SNX29: variants seen among roughly 807,000 people sequenced by gnomAD.
SNX29 encodes the protein sorting nexin 29, also known as sorting nexin-29.
A neutral mutation model predicts 102.1 loss-of-function variants in SNX29; 78 were observed. That is an observed-to-expected ratio of 0.76 (90% CI 0.64 to 0.92). The LOEUF (loss-of-function observed/expected upper bound fraction) is 0.92, where lower values mean the gene tolerates loss of function less well. Among genes scored for constraint, SNX29 ranks in the 40% least tolerant of loss-of-function variants. The pLI, the probability that SNX29 is intolerant of heterozygous loss-of-function variation, is 0.00. For missense variants in SNX29, 1,280 were observed against 1,061.7 expected (o/e 1.21, Z -2.86); for synonymous variants, 580 against 414.5 (o/e 1.40, Z -4.85).
chr16:12,403,645 TTCCAGACACCCACATC>T lies in SNX29; in HGVS notation c.2037+118_2037+133del, dbSNP rs1016989245. 7.2e-6 allele frequency: 7 copies of T among 976,486 alleles called. No individual in the cohort carries two copies. In the African/African-American group the frequency reaches 1.1e-4, roughly 16 times the overall value. 60.5% of individuals were successfully genotyped at this position (976,486 alleles called of 1,614,324 possible). ...GCGCTATGATTAGGAGGCTATGGCC[TTCCAGACACCCACATC>T]TTAACTGCCCAGAGGCCTTGCCGAA... On this transcript the variant is annotated intron_variant, in intron 18 of 20. Transcript: ENST00000566228.
intron 11 of SNX29, chr16:12,081,900 A>T (rs1567189828): frequency 6.5e-6 from 1 of 152,856 alleles, no homozygotes; most frequent in Non-Finnish European, 1.5e-5. Context: ...GGAAAGACCA[A>T]GATAATACAT....
At chr16:12,537,062 A>G (rs1216686607) in intron 20 of SNX29, among the ~76,000 whole-genome samples, 1 of 152,186 alleles carries the variant, frequency 6.6e-6, no homozygotes, top group South Asian at 2.1e-4. Flanking sequence ...CATATTTAGG[A>G]GACGATGTAG....
chr16:11,996,972 C>G (rs1054188810), intron 1 of SNX29, among the ~76,000 whole-genome samples: 3 of 152,166 alleles, frequency 2.0e-5, no homozygotes, highest in African/African-American at 7.2e-5. Flanking sequence ...AAAGAATCTG[C>G]TGACTGGTTT....
At chr16:12,389,557 C>T (rs762540055) in intron 16 of SNX29, among the ~76,000 whole-genome samples, 1 of 152,122 alleles carries the variant, frequency 6.6e-6, no homozygotes, top group East Asian at 1.9e-4. Flanking sequence ...GTCCATTAAA[C>T]CTCTTTCCTT....
chr16:12,135,675 T>G, intron 13 of SNX29: 35 of 1,224,108 alleles, frequency 2.9e-5, no homozygotes, highest in Non-Finnish European at 3.7e-5. Flanking sequence ...CAGTCTTTCC[T>G]GAAGCTGTGT....
chr16:12,571,874 T>G lies in SNX29; in HGVS notation c.*3245T>G, dbSNP rs1423007197. 4.7e-6 allele frequency: 5 copies of G among 1,061,300 alleles called. No individual in the cohort carries two copies. Among genetic ancestry groups the G allele is most frequent in the Non-Finnish European group, 5.7e-6 (5 of 876,820 alleles). 65.7% of individuals were successfully genotyped at this position (1,061,300 alleles called of 1,614,324 possible). ...ACGTTGCTGGCAAGGCATTTTAGAG[T>G]TTGGAGCTGAGGTTCAAAGCCCCCT... On this transcript the variant is annotated 3_prime_UTR_variant, in exon 21 of 21. Coordinates refer to ENST00000566228, the MANE Select transcript of SNX29 (RefSeq NM_032167.5).
chr16:12,012,392 A>G (rs2151060744), intron 3 of SNX29, among the ~76,000 whole-genome samples: 1 of 152,140 alleles, frequency 6.6e-6, no homozygotes, highest in Non-Finnish European at 1.5e-5. Context: ...GCCATCAGTT[A>G]GGGCAGTATT....
At chr16:12,251,776 T>C (rs1455454985) in intron 14 of SNX29, among the ~76,000 whole-genome samples, 3 of 152,018 alleles carry the variant, frequency 2.0e-5, no homozygotes, top group Non-Finnish European at 4.4e-5. Flanking sequence ...TTTTTTTCTT[T>C]AGAGACAGTG....
chr16:12,055,691 C>G (rs757196586), intron 8 of SNX29, among the ~76,000 whole-genome samples: 6 of 152,174 alleles, frequency 3.9e-5, no homozygotes, highest in Non-Finnish European at 5.9e-5. Flanking sequence ...GAAGGTCTGT[C>G]TTTTTCCTAT....
chr16:12,299,631 T>C (rs1297987581), intron 15 of SNX29, among the ~76,000 whole-genome samples: 1 of 152,158 alleles, frequency 6.6e-6, no homozygotes, highest in Admixed American at 6.5e-5. Context: ...TTGGCTATTG[T>C]TTCTAGGCCT....
chr16:12,489,399 T>C (rs1231949543), intron 19 of SNX29, among the ~76,000 whole-genome samples: 2 of 152,224 alleles, frequency 1.3e-5, no homozygotes, highest in African/African-American at 4.8e-5. Flanking sequence ...TCTCTCGTCC[T>C]TCTCTGCAGT....
At chr16:12,433,363 G>T (rs149806615) in intron 18 of SNX29, among the ~76,000 whole-genome samples, 56 of 152,288 alleles carry the variant, frequency 3.7e-4, no homozygotes, top group African/African-American at 1.3e-3. Flanking sequence ...GGGCGCAGTG[G>T]CTCACACTTG....
chr16:12,345,176 G>C (rs1264617775), intron 15 of SNX29, among the ~76,000 whole-genome samples: 3 of 152,204 alleles, frequency 2.0e-5, no homozygotes, highest in Non-Finnish European at 4.4e-5. Context: ...CTGCGCTAGA[G>C]CTGTGAACTG....
chr16:12,086,567 C>T (rs72784651), intron 11 of SNX29, among the ~76,000 whole-genome samples: 42,182 of 151,756 alleles, frequency 0.28, 6,944 homozygotes, highest in Non-Finnish European at 0.37. Flanking sequence ...CATGCCACCC[C>T]GCCCGGCTGT....
chr16:12,042,832 G>C (rs190427407), intron 4 of SNX29, 65 bp from the exon 5 acceptor site: 2 of 1,511,546 alleles, frequency 1.3e-6, no homozygotes, highest in Admixed American at 3.9e-5. Context: ...GAGGCTTTGT[G>C]TGTTCCTCTC....
At chr16:11,992,151 C>A (rs933756175) in intron 1 of SNX29, among the ~76,000 whole-genome samples, 1 of 151,912 alleles carries the variant, frequency 6.6e-6, no homozygotes, top group Admixed American at 6.6e-5. Flanking sequence ...AAAATTAGCC[C>A]AGTGTGGTGG....
intron 14 of SNX29, among the ~76,000 whole-genome samples, chr16:12,225,629 T>C (rs1451184676): frequency 6.6e-6 from 1 of 152,184 alleles, no homozygotes; most frequent in Admixed American, 6.5e-5. Flanking sequence ...TTATCAGCAT[T>C]GTGAAAACGG....
intron 4 of SNX29, among the ~76,000 whole-genome samples, chr16:12,036,746 A>G (rs1179998249): frequency 6.6e-6 from 1 of 152,182 alleles, no homozygotes; most frequent in African/African-American, 2.4e-5. Flanking sequence ...TGTGGAGCAC[A>G]GGTGTTGCTC....
chr16:12,411,203 C>A (rs2084384756), intron 18 of SNX29, among the ~76,000 whole-genome samples: 1 of 152,198 alleles, frequency 6.6e-6, no homozygotes, highest in South Asian at 2.1e-4. Flanking sequence ...TCCTGTCACA[C>A]CTGTTGTATA....
Sources: allele counts gnomAD v4.1 joint callset (sites outside exome capture counted in the v4.1 genomes callset), GRCh38; gene constraint gnomAD v4.1.1; transcripts MANE v1.5; gene names NCBI Gene and HGNC (gene_info 2026-07-23, HGNC 2026-07-21).